The following RFTN1 variants were observed in gnomAD, a reference collection of about 807,000 sequenced individuals.
RFTN1 encodes raftlin, lipid raft linker 1.
In RFTN1, 26 loss-of-function variants were observed where a neutral mutation model predicts 46.5. The observed-to-expected ratio is 0.56, with a 90% CI of 0.41 to 0.78. The LOEUF (loss-of-function observed/expected upper bound fraction) is 0.78. Among genes scored for constraint, RFTN1 ranks in the 30% least tolerant of loss-of-function variants. RFTN1 has a pLI of 0.00. For missense variants in RFTN1, 693 were observed against 718.7 expected (o/e 0.96, Z 0.41); for synonymous variants, 261 against 284.2 (o/e 0.92, Z 0.82).
chr3:16,510,993 A>G (rs572382246), intron 1 of RFTN1, among the ~76,000 whole-genome samples: 1 of 152,376 alleles, frequency 6.6e-6, no homozygotes, highest in African/African-American at 2.4e-5. Context: ...CATGGATACG[A>G]CATGGATGAA....
rs923109470 is a variant in RFTN1, at chr3:16,346,973, C to G, written c.1146+10959G>C. Among the ~76,000 whole-genome samples the G allele has an allele frequency of 6.6e-6, 1 of 152,208 alleles. No individual in the cohort carries two copies. The highest frequency in any genetic ancestry group is 2.4e-5 in the African/African-American group (1 of 41,456). On this transcript the variant is annotated intron_variant, in intron 7 of 9. Coordinates refer to ENST00000334133, the MANE Select transcript of RFTN1 (RefSeq NM_015150.2). This position sits in a 1 kb window ranked among gnomAD's most constrained non-coding sequence, Gnocchi z 4.4. Reference sequence around the variant, plus strand: ...TGCTCAATGAGATGAGATGAACACCCCTACGGCTTAAGCCACTTTTAGTTG... The same window carrying G: ...TGCTCAATGAGATGAGATGAACACCGCTACGGCTTAAGCCACTTTTAGTTG...
At chr3:16,391,878 TTTTG>T (rs762555004) in intron 4 of RFTN1, among the ~76,000 whole-genome samples, 1 of 58,940 alleles carries the variant, frequency 1.7e-5, no homozygotes, top group Non-Finnish European at 2.9e-5. Context: ...TGTTTTTTTT[TTTTG>T]TTTTTTTTTT....
At chr3:16,333,950 G>A (rs1318161755) in intron 7 of RFTN1, among the ~76,000 whole-genome samples, 2 of 152,204 alleles carry the variant, frequency 1.3e-5, no homozygotes, top group African/African-American at 4.8e-5. Context: ...TAGAGCACGA[G>A]GTCAGGAGAT....
At chr3:16,445,209 A>G (rs1334757582) in intron 2 of RFTN1, among the ~76,000 whole-genome samples, 1 of 152,184 alleles carries the variant, frequency 6.6e-6, no homozygotes, top group African/African-American at 2.4e-5. Flanking sequence ...GCATCTTTAC[A>G]AGGCACTTTT....
rs2074007096 is a variant in RFTN1 at position 16,381,929 on chromosome 3, A to T, written c.442-3827T>A. Among the ~76,000 whole-genome samples, 1 of 152,182 alleles carries T rather than the reference A, an allele frequency of 6.6e-6. No individual in the cohort carries two copies. The highest frequency in any genetic ancestry group is 2.4e-5 in the African/African-American group (1 of 41,436). On this transcript the variant is annotated intron_variant, in intron 4 of 9. Transcript: ENST00000334133. The surrounding 1 kb of genome is among the most constrained non-coding windows in gnomAD (Gnocchi z 4.2). ...AGTCATAACCTCAAGAGCAGAGGAG[A>T]GTGGGAGTCTGAGGGAAAACTGCAA...
intron 8 of RFTN1, 37 bp from the exon 9 acceptor site, chr3:16,323,494 C>T: frequency 6.6e-7 from 1 of 1,515,250 alleles, no homozygotes; most frequent in Non-Finnish European, 9.1e-7. Context: ...CCACTTTATG[C>T]CTTAGAGGAA....
chr3:16,420,222 G>A (rs2075159008), intron 3 of RFTN1, among the ~76,000 whole-genome samples: 2 of 152,204 alleles, frequency 1.3e-5, no homozygotes, highest in African/African-American at 4.8e-5. Context: ...GAGCTGGGCT[G>A]CAGAAAAGAG....
chr3:16,437,590 G>T (rs1575291034), intron 2 of RFTN1, among the ~76,000 whole-genome samples: 1 of 152,056 alleles, frequency 6.6e-6, no homozygotes, highest in South Asian at 2.1e-4. Flanking sequence ...AGCCCAGAGA[G>T]GTCAAGGATG....
chr3:16,409,439 A>T lies in RFTN1; in HGVS notation c.377T>A (p.Leu126Ter). 1 of 1,613,804 alleles carries T rather than the reference A, an allele frequency of 6.2e-7. No individual in the cohort carries two copies. Among genetic ancestry groups the T allele is most frequent in the Non-Finnish European group, 8.5e-7 (1 of 1,179,712 alleles). ...DLHNEGYILELDCCSSLDHPT... is the reference protein window; with the variant it reads ...DLHNEGYILE The stretch of plus-strand genomic sequence containing the variant: ...GTGGTCTAAGGAGGAACAGCAATCT[A>T]ATTCCAAGATGTAGCCTTCATTGTG... The change falls in exon 4 of 10, where the codon TTA becomes TAA. Residue 126 changes from leucine to a stop codon, truncating the protein, a stop_gained. Coordinates refer to ENST00000334133, the MANE Select transcript of RFTN1 (RefSeq NM_015150.2). LOFTEE classifies it high-confidence loss of function.
At position 16,449,558 on chromosome 3, in the gene RFTN1, T is replaced by C. The variant is rs1480745736; in HGVS notation, c.146-15521A>G. Among the ~76,000 whole-genome samples, 1 of 152,256 alleles carries C rather than the reference T, an allele frequency of 6.6e-6. No individual in the cohort carries two copies. Among genetic ancestry groups the C allele is most frequent in the East Asian group, 1.9e-4 (1 of 5,206 alleles). ...GGAGCTGCTAAAATCATTGTTGTTA[T>C]CACCATTATGCATAACCCTAATCAC... On this transcript the variant is annotated intron_variant, in intron 2 of 9. Transcript: ENST00000334133. The surrounding 1 kb of genome is among the most constrained non-coding windows in gnomAD (Gnocchi z 5.1).
rs377528661 is a variant in RFTN1, at chr3:16,464,198, T to G, written c.145+29527A>C. On this transcript the variant is annotated intron_variant, in intron 2 of 9. Coordinates refer to ENST00000334133, the MANE Select transcript of RFTN1 (RefSeq NM_015150.2). ...CTCCAATTTTGTCTCTCCACTCCAG[T>G]CCCAAGAGAACACAAACGCTCTGCA... Among the ~76,000 whole-genome samples the G allele has an allele frequency of 1.6e-4, 25 of 152,168 alleles. No individual in the cohort carries two copies. The East Asian group carries it at 3.7e-3, about 22-fold the overall frequency.
In RFTN1 at chr3:16,410,901, G is replaced by A. The variant is rs745401391; in HGVS notation, c.333-1418C>T. Among the ~76,000 whole-genome samples, 1 of 152,230 alleles carries A rather than the reference G, an allele frequency of 6.6e-6. No homozygotes were observed. Among genetic ancestry groups the A allele is most frequent in the African/African-American group, 2.4e-5 (1 of 41,456 alleles). On this transcript the variant is annotated intron_variant, in intron 3 of 9. Transcript: ENST00000334133. The surrounding 1 kb of genome is among the most constrained non-coding windows in gnomAD (Gnocchi z 4.6). ...TGTATGACACTAGAGTGGAAATCAC[G>A]TGGGTGTCAGAAATTGAAGAGGATT...
rs1008921944 is a variant in RFTN1, at chr3:16,402,819, T to C, written c.441+6556A>G. Among the ~76,000 whole-genome samples, 1 of 152,170 alleles carries C rather than the reference T, an allele frequency of 6.6e-6. No individual in the cohort carries two copies. Among genetic ancestry groups the C allele is most frequent in the East Asian group, 1.9e-4 (1 of 5,190 alleles). ...GGTTTAATCCAGGACAGTACACTCATTGAGTGGGACCAGCCGCCCCTCAAC... is the reference window on the plus strand; with the variant it reads ...GGTTTAATCCAGGACAGTACACTCACTGAGTGGGACCAGCCGCCCCTCAAC... On this transcript the variant is annotated intron_variant, in intron 4 of 9. Coordinates refer to ENST00000334133, the MANE Select transcript of RFTN1 (RefSeq NM_015150.2). The surrounding 1 kb of genome is among the most constrained non-coding windows in gnomAD (Gnocchi z 4.5).
chr3:16,475,770 G>T lies in RFTN1; in HGVS notation c.145+17955C>A, dbSNP rs1171403864. On this transcript the variant is annotated intron_variant, in intron 2 of 9. Coordinates refer to ENST00000334133, the MANE Select transcript of RFTN1 (RefSeq NM_015150.2). The surrounding 1 kb of genome is among the most constrained non-coding windows in gnomAD (Gnocchi z 4.2). ...ACCTCTGCCACAGAAGGTGCTGGCT[G>T]AGGGCAAAAGCCAAGTCCCAGCAGT... 1.3e-5 allele frequency among the ~76,000 whole-genome samples: 2 copies of T among 152,238 alleles called. No homozygotes were observed. Among genetic ancestry groups the T allele is most frequent in the Admixed American group, 6.5e-5 (1 of 15,286 alleles).
In RFTN1 at chr3:16,433,864, T is replaced by C; in HGVS notation, c.319A>G (p.Lys107Glu). 1 of 1,614,066 alleles carries C rather than the reference T, an allele frequency of 6.2e-7. No individual in the cohort carries two copies. The highest frequency in any genetic ancestry group is 1.3e-5 in the African/African-American group (1 of 74,930). Residue 107 changes from lysine (K) to glutamate (E), a missense_variant, in exon 3 of 10, where the codon AAG becomes GAG. Physicochemically the swap from Lys to Glu is moderately conservative, Grantham distance 56. Transcript: ENST00000334133. The surrounding 1 kb of genome is among the most constrained non-coding windows in gnomAD (Gnocchi z 4.4). ...LEHIFRAILI[K>E]KTDRSQKTDL... ...TGGAGGCCTTACCTGTCGGTTTTCT[T>C]GATCAGGATGGCTCTAAAGATGTGC... is the stretch of plus-strand genomic sequence containing the variant.
At chr3:16,392,635 T>C (rs2074378108) in intron 4 of RFTN1, among the ~76,000 whole-genome samples, 1 of 149,478 alleles carries the variant, frequency 6.7e-6, no homozygotes, top group Admixed American at 6.7e-5. Flanking sequence ...ATATTACTTA[T>C]ACATACATAA....
Position 16,466,671 on chromosome 3 carries a change from C to T in RFTN1, c.145+27054G>A, listed in dbSNP as rs557778105. Among the ~76,000 whole-genome samples the T allele has an allele frequency of 1.6e-4, 24 of 152,276 alleles. No homozygotes were observed. In the South Asian group the frequency reaches 4.4e-3, roughly 28 times the overall value. On this transcript the variant is annotated intron_variant, in intron 2 of 9. Coordinates refer to ENST00000334133, the MANE Select transcript of RFTN1 (RefSeq NM_015150.2). This position sits in a 1 kb window ranked among gnomAD's most constrained non-coding sequence, Gnocchi z 5.6. ...GAAGTTTCTTCCAACCTGTTACCTG[C>T]GAATTTCAAAATCATACCTCCTGTC...
rs2069779623 is a variant in RFTN1, at chr3:16,327,073, G to A, written c.1147-197C>T. Among the ~76,000 whole-genome samples, 1 of 152,176 alleles carries A rather than the reference G, an allele frequency of 6.6e-6. No homozygotes were observed. Among genetic ancestry groups the A allele is most frequent in the African/African-American group, 2.4e-5 (1 of 41,432 alleles). On this transcript the variant is annotated intron_variant, in intron 7 of 9. Coordinates refer to ENST00000334133, the MANE Select transcript of RFTN1 (RefSeq NM_015150.2). The surrounding 1 kb of genome is among the most constrained non-coding windows in gnomAD (Gnocchi z 4.2). ...AACTGCCAACATGGGATTTCCTTCT[G>A]GGCCCCATTTCAGTCTGTGATGTCA... is the stretch of plus-strand genomic sequence containing the variant.
At chr3:16,435,320 G>A (rs943502482) in intron 2 of RFTN1, among the ~76,000 whole-genome samples, 3 of 152,170 alleles carry the variant, frequency 2.0e-5, no homozygotes, top group Non-Finnish European at 2.9e-5. Flanking sequence ...TGTTATCCCC[G>A]CACTTTGGGA....
Sources: allele counts gnomAD v4.1 joint callset (sites outside exome capture counted in the v4.1 genomes callset), GRCh38; gene constraint gnomAD v4.1.1; non-coding constraint Gnocchi (gnomAD v3.1); transcripts MANE v1.5; gene names NCBI Gene and HGNC (gene_info 2026-07-23, HGNC 2026-07-21).